PIK3CA: variants seen among roughly 807,000 people sequenced by gnomAD.
PIK3CA encodes the protein phosphatidylinositol-4,5-bisphosphate 3-kinase catalytic subunit alpha.
A neutral mutation model predicts 138.2 loss-of-function variants in PIK3CA; 27 were observed. The ratio of observed to expected loss-of-function variants is 0.20; its 90% CI spans 0.14 to 0.27. The LOEUF (loss-of-function observed/expected upper bound fraction) is 0.27. Ranked by LOEUF, PIK3CA falls within the 10% of genes least tolerant of loss-of-function variation. The probability of loss-of-function intolerance (pLI) is 1.00; values close to 1 mark genes in which losing one functional copy is unlikely to be tolerated. For missense variants in PIK3CA, 544 were observed against 1,277.4 expected, an observed-to-expected ratio of 0.43 and a Z score of 8.75; for synonymous variants, 358 against 413.2, an observed-to-expected ratio of 0.87 and a Z score of 1.62.
intron 4 of PIK3CA, among the ~76,000 whole-genome samples, chr3:179,202,544 C>T (rs755385999): frequency 4.6e-5 from 7 of 152,144 alleles, no homozygotes; most frequent in Admixed American, 1.3e-4. Context: ...AAGCATATGT[C>T]GAGTACTAAT....
At chr3:179,149,964 A>G (rs915541518) in intron 1 of PIK3CA, among the ~76,000 whole-genome samples, 2 of 152,034 alleles carry the variant, frequency 1.3e-5, no homozygotes, top group Non-Finnish European at 2.9e-5. Flanking sequence ...CAAAGCAACT[A>G]CAGTCTTAAC....
chr3:179,205,153 G>A (rs1264495983), intron 6 of PIK3CA, among the ~76,000 whole-genome samples: 1 of 151,458 alleles, frequency 6.6e-6, no homozygotes, highest in African/African-American at 2.4e-5. Context: ...GTTCCAGGCT[G>A]CAGTCAGCTA....
In PIK3CA at chr3:179,186,258, A is replaced by G. The variant is rs182598452; in HGVS notation, c.-76-12492A>G. The stretch of plus-strand genomic sequence containing the variant: ...CTTAATTTAATTAAGATGTTAATCT[A>G]GATATTCTTAAACTCTTAATGAACT... On this transcript the variant is annotated intron_variant, in intron 1 of 20. Coordinates refer to ENST00000263967, the MANE Select transcript of PIK3CA (RefSeq NM_006218.4). Among the ~76,000 whole-genome samples, 10 of 152,350 alleles carry G rather than the reference A, an allele frequency of 6.6e-5. No homozygotes were observed. The East Asian group carries it at 1.9e-3, about 29-fold the overall frequency.
chr3:179,170,076 G>GCGCGCGCGCACACA (rs1553815527), intron 1 of PIK3CA, among the ~76,000 whole-genome samples: 1 of 139,210 alleles, frequency 7.2e-6, no homozygotes, highest in Non-Finnish European at 1.5e-5. Context: ...ACGCGCGCGC[G>GCGCGCGCGCACACA]CACACACACA....
Position 179,168,751 on chromosome 3 carries a change from T to C in PIK3CA, c.-77+20148T>C, listed in dbSNP as rs543394541. Among the ~76,000 whole-genome samples, 7 of 152,280 alleles carry C rather than the reference T, an allele frequency of 4.6e-5. No individual in the cohort carries two copies. The East Asian group carries it at 1.3e-3, about 29-fold the overall frequency. ...CTTATGATTTTATTTTTATATTGTG[T>C]TTGTTATTCTATTAAGATTCATTTC... is the stretch of plus-strand genomic sequence containing the variant. On this transcript the variant is annotated intron_variant, in intron 1 of 20. Coordinates refer to ENST00000263967, the MANE Select transcript of PIK3CA (RefSeq NM_006218.4).
rs1424502373 is a variant in PIK3CA, at chr3:179,235,448, C to G, written c.*1084C>G. Reference sequence around the variant, plus strand: ...CTTTCTTCTTGATCTATAGATGAGGCTCAGGCACTATCCCATTTATACCAA... The same window carrying G: ...CTTTCTTCTTGATCTATAGATGAGGGTCAGGCACTATCCCATTTATACCAA... On this transcript the variant is annotated 3_prime_UTR_variant, in exon 21 of 21. Coordinates refer to ENST00000263967, the MANE Select transcript of PIK3CA (RefSeq NM_006218.4). The G allele has an allele frequency of 1.6e-5, 3 of 188,444 alleles. No individual in the cohort carries two copies. The Admixed American group carries it at 1.9e-4, about 12-fold the overall frequency. 11.7% of individuals were successfully genotyped at this position (188,444 alleles called of 1,614,324 possible).
chr3:179,223,139 G>T (rs975552171), intron 14 of PIK3CA, among the ~76,000 whole-genome samples: 4 of 152,178 alleles, frequency 2.6e-5, no homozygotes, highest in Non-Finnish European at 4.4e-5. Flanking sequence ...CATTAGAGTT[G>T]TCAGTGATAG....
intron 1 of PIK3CA, among the ~76,000 whole-genome samples, chr3:179,161,186 T>A (rs1182478424): frequency 6.6e-6 from 1 of 152,112 alleles, no homozygotes; most frequent in African/African-American, 2.4e-5. Context: ...GGACAAAAAT[T>A]GGGTGTTTGC....
chr3:179,215,567 T>A (rs1724818343), intron 9 of PIK3CA, among the ~76,000 whole-genome samples: 1 of 152,084 alleles, frequency 6.6e-6, no homozygotes, highest in Non-Finnish European at 1.5e-5. Context: ...TAGAATAGCC[T>A]AGAAGGACAA....
At chr3:179,164,875 A>C (rs919756250) in intron 1 of PIK3CA, among the ~76,000 whole-genome samples, 3 of 152,108 alleles carry the variant, frequency 2.0e-5, no homozygotes, top group Non-Finnish European at 2.9e-5. Context: ...GTCTTAAAAA[A>C]AAAAAGAAAA....
chr3:179,170,126 C>G lies in PIK3CA; in HGVS notation c.-77+21523C>G, dbSNP rs113050063. Among the ~76,000 whole-genome samples, 204 of 151,826 alleles carry G rather than the reference C, an allele frequency of 1.3e-3. 3 individuals carry two copies. The highest frequency in any genetic ancestry group is 4.5e-3 in the African/African-American group (186 of 41,428). On this transcript the variant is annotated intron_variant, in intron 1 of 20. Coordinates refer to ENST00000263967, the MANE Select transcript of PIK3CA (RefSeq NM_006218.4). The stretch of plus-strand genomic sequence containing the variant: ...ACCTTAGTAAAATAGGGATAGAAAG[C>G]TATTCTTTGACGTACTAAGTAATAG...
chr3:179,183,674 T>G (rs1168767394), intron 1 of PIK3CA, among the ~76,000 whole-genome samples: 1 of 152,186 alleles, frequency 6.6e-6, no homozygotes, highest in East Asian at 1.9e-4. Flanking sequence ...AATAAGAGAT[T>G]ACTATAATAG....
In PIK3CA at chr3:179,201,557, A is replaced by G; in HGVS notation, c.813+17A>G. On this transcript the variant is annotated intron_variant, in intron 4 of 20. Transcript: ENST00000263967. The stretch of plus-strand genomic sequence containing the variant: ...CAGTATAAGGTGAGTAACAAGTTTC[A>G]AAATATTAATTTTTAATTTAAAAAG... 1.3e-6 allele frequency: 2 copies of G among 1,508,846 alleles called. No homozygotes were observed. Among genetic ancestry groups the G allele is most frequent in the Non-Finnish European group, 1.8e-6 (2 of 1,110,528 alleles). The allele number at this position is 1,508,846 out of a possible 1,614,324, so 93.5% of individuals were successfully genotyped here. A position where few individuals can be genotyped will look rare whatever the true frequency, so the allele number is the denominator to read the frequency against.
chr3:179,238,758 T>G lies in PIK3CA; in HGVS notation c.*4394T>G. 1 of 225,926 alleles carries G rather than the reference T, an allele frequency of 4.4e-6. No homozygotes were observed. The allele number at this position is 225,926 out of a possible 1,614,324, so 14.0% of individuals were successfully genotyped here. Reference sequence around the variant, plus strand: ...TTAGTGCATTTGGTGTGTGTATACTTGCACACAATTCTGTTTGTGTACACA... The same window carrying G: ...TTAGTGCATTTGGTGTGTGTATACTGGCACACAATTCTGTTTGTGTACACA... On this transcript the variant is annotated 3_prime_UTR_variant, in exon 21 of 21. Transcript: ENST00000263967.
chr3:179,231,895 A>T (rs918880710), intron 20 of PIK3CA, among the ~76,000 whole-genome samples: 1 of 151,960 alleles, frequency 6.6e-6, no homozygotes, highest in African/African-American at 2.4e-5. Context: ...CACCCGCCTC[A>T]GCCTCCCTAA....
chr3:179,154,769 G>A (rs1723093899), intron 1 of PIK3CA, among the ~76,000 whole-genome samples: 1 of 152,082 alleles, frequency 6.6e-6, no homozygotes, highest in East Asian at 1.9e-4. Context: ...TTTAACAGAA[G>A]CATAATATTT....
rs1314280210 is a variant in PIK3CA at position 179,187,595 on chromosome 3, A to G, written c.-76-11155A>G. Among the ~76,000 whole-genome samples the G allele has an allele frequency of 4.6e-5, 7 of 151,340 alleles. No individual in the cohort carries two copies. In the East Asian group the frequency reaches 1.4e-3, roughly 29 times the overall value. ...TCCTTTATTGAATTTCTGTGTTCCA[A>G]GCACTATGCTGAGAACTTTACATAT... On this transcript the variant is annotated intron_variant, in intron 1 of 20. Transcript: ENST00000263967.
At chr3:179,160,268 G>T (rs1227459434) in intron 1 of PIK3CA, among the ~76,000 whole-genome samples, 4 of 152,166 alleles carry the variant, frequency 2.6e-5, no homozygotes, top group African/African-American at 9.7e-5. Flanking sequence ...TTGTTATGTA[G>T]CACATAACTA....
chr3:179,159,272 C>T (rs1217120697), intron 1 of PIK3CA, among the ~76,000 whole-genome samples: 2 of 152,078 alleles, frequency 1.3e-5, no homozygotes, highest in Non-Finnish European at 2.9e-5. Context: ...CATTGGATTG[C>T]CCTGGGGCTG....
Sources: gnomAD v4.1 joint callset for allele counts (sites outside exome capture counted in the v4.1 genomes callset) on GRCh38, gnomAD v4.1.1 for gene constraint, MANE v1.5 for transcripts, NCBI Gene and HGNC (gene_info 2026-07-23, HGNC 2026-07-21) for gene names.